Variants in FNDC3B observed in about 807,000 individuals in gnomAD.
FNDC3B encodes the protein fibronectin type III domain containing 3B, also known as fibronectin type III domain-containing protein 3B.
A neutral mutation model predicts 151.5 loss-of-function variants in FNDC3B; 12 were observed. The observed-to-expected ratio is 0.08, with a 90% confidence interval of 0.05 to 0.13. The LOEUF is 0.13. Ranked by LOEUF, FNDC3B falls within the 10% of genes least tolerant of loss-of-function variation. The pLI is 1.00. For synonymous variants in FNDC3B, 528 were observed against 549.0 expected (o/e 0.96, Z 0.54); for missense variants, 1,214 against 1,505.3 (o/e 0.81, Z 3.20).
At chr3:172,047,369 G>A (rs966859562) in intron 1 of FNDC3B, among the ~76,000 whole-genome samples, 2 of 152,136 alleles carry the variant, frequency 1.3e-5, no homozygotes, top group Non-Finnish European at 2.9e-5. Context: ...TTAGGGATTT[G>A]CAATTATCTA....
chr3:172,271,420 T>A (rs1484720641), intron 6 of FNDC3B, among the ~76,000 whole-genome samples: 3 of 152,236 alleles, frequency 2.0e-5, no homozygotes, highest in Admixed American at 2.0e-4. Flanking sequence ...TTCCGATTTC[T>A]TAGGACTTTT....
chr3:172,223,784 C>CA (rs894041751), intron 3 of FNDC3B, among the ~76,000 whole-genome samples: 7 of 151,138 alleles, frequency 4.6e-5, no homozygotes, highest in Admixed American at 2.6e-4. Flanking sequence ...GTAATAGTAA[C>CA]AAAAAAAAAT....
rs1718876290 is a variant in FNDC3B at position 172,092,300 on chromosome 3, A to T, written c.-28-20152A>T. Among the ~76,000 whole-genome samples, 3 of 152,162 alleles carry T rather than the reference A, an allele frequency of 2.0e-5. No individual in the cohort carries two copies. In the South Asian group the frequency reaches 6.2e-4, roughly 32 times the overall value. On this transcript the variant is annotated intron_variant, in intron 1 of 25. Coordinates refer to ENST00000415807, the MANE Select transcript of FNDC3B (RefSeq NM_022763.4). The stretch of plus-strand genomic sequence containing the variant: ...TTGGCTATCAGTTAAGGAGTTCATC[A>T]AATGCCTGAGCCCCTGTCATATGCT...
chr3:172,039,772 G>A lies in FNDC3B; in HGVS notation c.-29+1G>A, dbSNP rs1368325478. 6.5e-6 allele frequency: 1 copy of A among 153,762 alleles called. No individual in the cohort carries two copies. The highest frequency in any genetic ancestry group is 1.5e-5 in the Non-Finnish European group (1 of 68,592). 9.5% of individuals were successfully genotyped at this position (153,762 alleles called of 1,614,324 possible). A position where few individuals can be genotyped will look rare whatever the true frequency, so the allele number is the denominator to read the frequency against. ...GCCCCGCGTTTCAGCCCTAGGGAAGGTAAGGCGTGCAAGAGCCGGGGACTA... is the reference window on the plus strand; with the variant it reads ...GCCCCGCGTTTCAGCCCTAGGGAAGATAAGGCGTGCAAGAGCCGGGGACTA... On this transcript the variant is annotated splice_donor_variant, in intron 1 of 25. Transcript: ENST00000415807. LOFTEE classifies it low-confidence loss of function (5UTR_SPLICE).
At chr3:172,109,465 G>A (rs1001786959) in intron 1 of FNDC3B, among the ~76,000 whole-genome samples, 2 of 152,196 alleles carry the variant, frequency 1.3e-5, no homozygotes, top group African/African-American at 2.4e-5. Context: ...GCGCCCGGCC[G>A]AAGGCCTTGG....
At chr3:172,235,639 A>G (rs182884476) in intron 4 of FNDC3B, among the ~76,000 whole-genome samples, 172 of 152,356 alleles carry the variant, frequency 1.1e-3, no homozygotes, top group Admixed American at 3.9e-3. Context: ...TACAGCTACA[A>G]GTTGAGTAAC....
chr3:172,045,565 G>T (rs1434270304), intron 1 of FNDC3B, among the ~76,000 whole-genome samples: 1 of 152,224 alleles, frequency 6.6e-6, no homozygotes, highest in African/African-American at 2.4e-5. Context: ...TATTTTCAGT[G>T]TAGGGGAGTC....
chr3:172,057,844 A>G (rs926688841), intron 1 of FNDC3B, among the ~76,000 whole-genome samples: 8 of 151,772 alleles, frequency 5.3e-5, no homozygotes, highest in African/African-American at 1.9e-4. Flanking sequence ...GTCTACACCC[A>G]TTAGATTTGT....
At chr3:172,192,170 T>TG (rs1291589943) in intron 3 of FNDC3B, among the ~76,000 whole-genome samples, 4 of 53,218 alleles carry the variant, frequency 7.5e-5, no homozygotes, top group Non-Finnish European at 1.6e-4. Context: ...TTTGTGTGTG[T>TG]TTTTTGTTTT....
At chr3:172,109,803 C>T (rs1329518539) in intron 1 of FNDC3B, among the ~76,000 whole-genome samples, 2 of 152,156 alleles carry the variant, frequency 1.3e-5, no homozygotes, top group African/African-American at 4.8e-5. Flanking sequence ...AGGCATCTCA[C>T]CTAAAGTTGT....
intron 1 of FNDC3B, among the ~76,000 whole-genome samples, chr3:172,081,886 A>G (rs1186487891): frequency 6.6e-6 from 1 of 152,206 alleles, no homozygotes; most frequent in Non-Finnish European, 1.5e-5. Context: ...AAGAGCTTTT[A>G]TTTCTTTTAA....
Position 172,338,899 on chromosome 3 carries a change from C to CACCA in FNDC3B, c.1852+1498_1852+1499insACCA, listed in dbSNP as rs552055040. Among the ~76,000 whole-genome samples, 33 of 152,020 alleles carry CACCA rather than the reference C, an allele frequency of 2.2e-4. No homozygotes were observed. The East Asian group carries it at 5.0e-3, about 23-fold the overall frequency. On this transcript the variant is annotated intron_variant, in intron 16 of 25. Coordinates refer to ENST00000415807, the MANE Select transcript of FNDC3B (RefSeq NM_022763.4). The stretch of plus-strand genomic sequence containing the variant: ...CTACAGACGCCCACCACTAGGCCGG[C>CACCA]TAATTTTTTTTGAATTTTTAGTAGA...
chr3:172,259,429 CG>C (rs1728529445), intron 6 of FNDC3B, among the ~76,000 whole-genome samples: 1 of 152,178 alleles, frequency 6.6e-6, no homozygotes, highest in Admixed American at 6.5e-5. Context: ...CGCACTTGAA[CG>C]CCTTGCAACT....
At chr3:172,356,664 A>T (rs73037025) in intron 22 of FNDC3B, among the ~76,000 whole-genome samples, 6,815 of 152,238 alleles carry the variant, frequency 0.045, 515 homozygotes, top group African/African-American at 0.16. Context: ...TCCTCCAGGA[A>T]GCCTTCTATG....
At chr3:172,377,258 CT>C (rs1735198167) in intron 23 of FNDC3B, among the ~76,000 whole-genome samples, 3 of 152,198 alleles carry the variant, frequency 2.0e-5, no homozygotes, top group Non-Finnish European at 4.4e-5. Context: ...ATTGGCCTGT[CT>C]GTCTAGGAAC....
chr3:172,379,081 T>C (rs933915445), intron 24 of FNDC3B, among the ~76,000 whole-genome samples: 1 of 152,218 alleles, frequency 6.6e-6, no homozygotes, highest in Non-Finnish European at 1.5e-5. Flanking sequence ...CCGGGTCTGC[T>C]GAGCCCTCAG....
At chr3:172,346,295 A>G (rs1220847724) in intron 19 of FNDC3B, 32 bp from the exon 20 acceptor site, 1 of 1,273,388 alleles carries the variant, frequency 7.9e-7, no homozygotes, top group Admixed American at 1.7e-5. Context: ...ACGCATATAT[A>G]CATACGTGTG....
At chr3:172,289,990 G>A (rs541010186) in intron 7 of FNDC3B, among the ~76,000 whole-genome samples, 27 of 152,284 alleles carry the variant, frequency 1.8e-4, no homozygotes, top group African/African-American at 5.5e-4. Context: ...AGTTTGTAGC[G>A]TATCACTAAG....
In FNDC3B at chr3:172,223,233, T is replaced by C. The variant is rs193145769; in HGVS notation, c.188-3638T>C. Among the ~76,000 whole-genome samples the C allele has an allele frequency of 3.9e-3, 599 of 152,358 alleles. 3 individuals are homozygous for C. Among genetic ancestry groups the C allele is most frequent in the Non-Finnish European group, 5.8e-3 (396 of 68,034 alleles). On this transcript the variant is annotated intron_variant, in intron 3 of 25. Transcript: ENST00000415807. Reference sequence around the variant, plus strand: ...TGTTTAGGAAGACAATAACTTCTTTTCGTACCACTATGGTGAATGAGATTT... The same window carrying C: ...TGTTTAGGAAGACAATAACTTCTTTCCGTACCACTATGGTGAATGAGATTT...
Sources: allele counts gnomAD v4.1 joint callset (sites outside exome capture counted in the v4.1 genomes callset), GRCh38; gene constraint gnomAD v4.1.1; transcripts MANE v1.5; gene names NCBI Gene and HGNC (gene_info 2026-07-23, HGNC 2026-07-21).